Variants in KCNIP4 observed in about 807,000 individuals in gnomAD.
KCNIP4 encodes Kv channel-interacting protein 4.
KCNIP4 carries 12 observed loss-of-function variants against 34.0 expected under a neutral mutation model. The observed-to-expected ratio is 0.35, with a 90% CI of 0.23 to 0.57. KCNIP4 has a LOEUF of 0.57. Ranked by LOEUF, KCNIP4 falls within the 20% of genes least tolerant of loss-of-function variation. KCNIP4 has a pLI of 0.83. For missense variants in KCNIP4, 238 were observed against 311.7 expected (o/e 0.76, Z 1.78); for synonymous variants, 124 against 102.2 (o/e 1.21, Z -1.29).
intron 1 of KCNIP4, among the ~76,000 whole-genome samples, chr4:21,918,648 A>T (rs1728772807): frequency 6.6e-6 from 1 of 152,214 alleles, no homozygotes; most frequent in South Asian, 2.1e-4. Context: ...GCAAATGCAG[A>T]AATAACAGTG....
rs1168486407 is a variant in KCNIP4, at chr4:21,645,743, T to C, written c.61+302828A>G. The stretch of plus-strand genomic sequence containing the variant: ...GTCTGTCTGGGATGCGCTGCTCAGA[T>C]GGGCTGTATGAGTGGCAACACAACC... On this transcript the variant is annotated intron_variant, in intron 1 of 8. Transcript: ENST00000382152. Among the ~76,000 whole-genome samples the C allele has an allele frequency of 3.3e-5, 5 of 152,272 alleles. No individual in the cohort carries two copies. In the South Asian group the frequency reaches 6.2e-4, roughly 19 times the overall value.
chr4:20,937,867 C>T (rs1731240414), intron 1 of KCNIP4, among the ~76,000 whole-genome samples: 1 of 151,990 alleles, frequency 6.6e-6, no homozygotes. Flanking sequence ...TTTATAAAGC[C>T]TAGTCATAGG....
chr4:21,744,532 T>A (rs1191373598), intron 1 of KCNIP4, among the ~76,000 whole-genome samples: 1 of 152,190 alleles, frequency 6.6e-6, no homozygotes, highest in Non-Finnish European at 1.5e-5. Context: ...TCCCACTTGC[T>A]CAAATATTTA....
chr4:20,881,775 C>T (rs1267066619), intron 2 of KCNIP4, among the ~76,000 whole-genome samples: 2 of 152,084 alleles, frequency 1.3e-5, no homozygotes, highest in East Asian at 1.9e-4. Context: ...GGTATTTTGT[C>T]GATGTGCTTA....
At chr4:21,105,334 A>C (rs1174004598) in intron 1 of KCNIP4, among the ~76,000 whole-genome samples, 1 of 151,506 alleles carries the variant, frequency 6.6e-6, no homozygotes, top group African/African-American at 2.4e-5. Flanking sequence ...TTGGATTCCT[A>C]GGTATTTTAT....
chr4:20,840,635 T>A (rs1004855765), intron 3 of KCNIP4, among the ~76,000 whole-genome samples: 3 of 152,152 alleles, frequency 2.0e-5, no homozygotes, highest in Non-Finnish European at 2.9e-5. Flanking sequence ...AACCACGAGA[T>A]GGAAGGAGTG....
At chr4:21,227,553 T>C (rs756599064) in intron 1 of KCNIP4, among the ~76,000 whole-genome samples, 13 of 152,172 alleles carry the variant, frequency 8.5e-5, no homozygotes, top group Non-Finnish European at 1.6e-4. Context: ...TTTTGTGGCA[T>C]CTAATGAGGA....
chr4:21,335,897 T>C (rs1016396857), intron 1 of KCNIP4, among the ~76,000 whole-genome samples: 2 of 152,136 alleles, frequency 1.3e-5, no homozygotes, highest in African/African-American at 2.4e-5. Context: ...TTTAAAATAA[T>C]TGATTACCGA....
chr4:21,709,072 A>AT (rs1713509983), intron 1 of KCNIP4, among the ~76,000 whole-genome samples: 2 of 152,226 alleles, frequency 1.3e-5, no homozygotes, highest in East Asian at 1.9e-4. Flanking sequence ...ATTTGTGTAT[A>AT]TTTTTTAAGG....
chr4:21,407,348 A>T (rs1256296935), intron 1 of KCNIP4, among the ~76,000 whole-genome samples: 1 of 152,054 alleles, frequency 6.6e-6, no homozygotes, highest in Non-Finnish European at 1.5e-5. Context: ...CTATATCTTT[A>T]TTCTTCCTCA....
intron 4 of KCNIP4, among the ~76,000 whole-genome samples, chr4:20,756,000 G>GT (rs2149353528): frequency 6.6e-6 from 1 of 152,226 alleles, no homozygotes; most frequent in East Asian, 1.9e-4. Flanking sequence ...GAATGGTATG[G>GT]TTTCGAACAG....
chr4:21,024,246 A>G (rs933665528), intron 1 of KCNIP4, among the ~76,000 whole-genome samples: 7 of 152,204 alleles, frequency 4.6e-5, no homozygotes, highest in Non-Finnish European at 1.0e-4. Context: ...TAGCTAGTAC[A>G]ATGAATTTTT....
chr4:20,841,404 G>A lies in KCNIP4; in HGVS notation c.288+9139C>T, dbSNP rs76862044. Among the ~76,000 whole-genome samples, 11 of 152,256 alleles carry A rather than the reference G, an allele frequency of 7.2e-5. No individual in the cohort carries two copies. In the East Asian group the frequency reaches 1.9e-3, roughly 27 times the overall value. ...CAAGCAAAGAGGAAACCCAAAATAA[G>A]CACTATGATGGGAGCACATAGCAGA... is the stretch of plus-strand genomic sequence containing the variant. On this transcript the variant is annotated intron_variant, in intron 3 of 8. Transcript: ENST00000382152.
intron 1 of KCNIP4, among the ~76,000 whole-genome samples, chr4:21,939,927 C>T (rs1267116946): frequency 6.6e-6 from 1 of 152,046 alleles, no homozygotes. Flanking sequence ...GAGAAACATC[C>T]TATTTAATTT....
At chr4:21,781,698 T>A (rs563476408) in intron 1 of KCNIP4, among the ~76,000 whole-genome samples, 1 of 152,152 alleles carries the variant, frequency 6.6e-6, no homozygotes, top group Non-Finnish European at 1.5e-5. Flanking sequence ...TTCCTCCTCT[T>A]GAATTTTTAA....
chr4:21,010,599 G>C (rs1738979329), intron 1 of KCNIP4, among the ~76,000 whole-genome samples: 1 of 152,156 alleles, frequency 6.6e-6, no homozygotes, highest in African/African-American at 2.4e-5. Context: ...GATCACACCA[G>C]AGAATTCTGC....
intron 5 of KCNIP4, among the ~76,000 whole-genome samples, chr4:20,739,471 A>G (rs895564236): frequency 1.3e-5 from 2 of 152,212 alleles, no homozygotes; most frequent in African/African-American, 2.4e-5. Context: ...GTGGACCTCC[A>G]GCAAACTCCA....
chr4:21,608,948 A>T (rs1743933221), intron 1 of KCNIP4: 5 of 152,292 alleles, frequency 3.3e-5, no homozygotes, highest in Non-Finnish European at 7.3e-5. Context: ...GACTAGAGGT[A>T]GGTGGTGCTT....
rs141754727 is a variant in KCNIP4, at chr4:21,743,035, C to T, written c.61+205536G>A. Among the ~76,000 whole-genome samples the T allele has an allele frequency of 3.6e-3, 553 of 152,032 alleles. 2 individuals carry two copies. Among genetic ancestry groups the T allele is most frequent in the African/African-American group, 0.013 (522 of 41,474 alleles). ...CAGAAATATCTACATTCGGATTTAC[C>T]GTGGATCTGTAGAGATATAATCAGT... On this transcript the variant is annotated intron_variant, in intron 1 of 8. Transcript: ENST00000382152.
Sources: allele counts gnomAD v4.1 joint callset (sites outside exome capture counted in the v4.1 genomes callset), GRCh38; gene constraint gnomAD v4.1.1; transcripts MANE v1.5; gene names NCBI Gene and HGNC (gene_info 2026-07-23, HGNC 2026-07-21).